MYO18B: variants seen among roughly 807,000 people sequenced by gnomAD.
The protein encoded by MYO18B is unconventional myosin-XVIIIb.
MYO18B carries 204 observed loss-of-function variants against 273.0 expected under a neutral mutation model. That is an observed-to-expected ratio of 0.75 (90% CI 0.67 to 0.84). The LOEUF (loss-of-function observed/expected upper bound fraction) is 0.84, where lower values mean the gene tolerates loss of function less well. Among genes scored for constraint, MYO18B ranks in the 40% least tolerant of loss-of-function variants. The probability of loss-of-function intolerance (pLI) is 0.00; values close to 1 mark genes in which losing one functional copy is unlikely to be tolerated. For synonymous variants in MYO18B, 1,330 were observed against 1,305.7 expected, an observed-to-expected ratio of 1.02 and a Z score of -0.40; for missense variants, 3,212 against 3,287.6, an observed-to-expected ratio of 0.98 and a Z score of 0.56.
At position 26,004,812 on chromosome 22, in the gene MYO18B, C is replaced by T; in HGVS notation, c.6427C>T (p.Pro2143Ser). The T allele has an allele frequency of 1.2e-6, 2 of 1,613,892 alleles. No individual in the cohort carries two copies. Among genetic ancestry groups the T allele is most frequent in the Non-Finnish European group, 1.7e-6 (2 of 1,179,810 alleles). ...LSLATDTMRT[P>S]SRQSATSSRI... ...CCTGGCCACAGATACTATGAGGACT[C>T]CTTCTCGACAGTCAGCCACCAGCAG... is the stretch of plus-strand genomic sequence containing the variant. The change falls in exon 42 of 44, where the codon CCT (proline) becomes TCT (serine). Residue 2143 changes from proline to serine, a missense_variant. Physicochemically the swap from Pro to Ser is moderately conservative, Grantham distance 74 (BLOSUM62 -1). Transcript: ENST00000335473.
intron 25 of MYO18B, among the ~76,000 whole-genome samples, chr22:25,885,882 C>T (rs2091483915): frequency 6.6e-6 from 1 of 152,202 alleles, no homozygotes; most frequent in Admixed American, 6.5e-5. Context: ...CTATGCCCAG[C>T]TCAGAGGCAT....
intron 18 of MYO18B, among the ~76,000 whole-genome samples, chr22:25,844,162 T>G (rs1380105610): frequency 6.6e-6 from 1 of 152,250 alleles, no homozygotes; most frequent in African/African-American, 2.4e-5. Flanking sequence ...TTTGGCACTT[T>G]GCCTTTCATT....
Position 25,946,132 on chromosome 22 carries a change from T to A in MYO18B, c.5518-5T>A. 1 of 1,514,532 alleles carries A rather than the reference T, an allele frequency of 6.6e-7. No homozygotes were observed. Among genetic ancestry groups the A allele is most frequent in the Non-Finnish European group, 8.8e-7 (1 of 1,132,606 alleles). The allele number at this position is 1,514,532 out of a possible 1,614,324, so 93.8% of individuals were successfully genotyped here. Reference sequence around the variant, plus strand: ...CTTCTCTTCTCCACCTCTTGCCTGGTCCAGCTGGAGCAGAGTGAAGCCAAG... The same window carrying A: ...CTTCTCTTCTCCACCTCTTGCCTGGACCAGCTGGAGCAGAGTGAAGCCAAG... On this transcript the variant is annotated splice_polypyrimidine_tract_variant and splice_region_variant and intron_variant, in intron 34 of 43. Coordinates refer to ENST00000335473, the MANE Select transcript of MYO18B (RefSeq NM_032608.7).
intron 40 of MYO18B, among the ~76,000 whole-genome samples, chr22:25,992,733 G>A (rs929272028): frequency 1.3e-5 from 2 of 152,224 alleles, no homozygotes; most frequent in Non-Finnish European, 2.9e-5. Context: ...GTGAGGCAAT[G>A]TGACTGGAAC....
intron 37 of MYO18B, 99 bp from the exon 38 acceptor site, chr22:25,952,187 T>C: frequency 1.5e-6 from 2 of 1,331,356 alleles, no homozygotes; most frequent in Non-Finnish European, 2.1e-6. Context: ...GGAGGTGGTG[T>C]GAATAGCTCC....
intron 17 of MYO18B, among the ~76,000 whole-genome samples, chr22:25,841,997 C>G (rs1357548166): frequency 6.6e-6 from 1 of 152,214 alleles, no homozygotes; most frequent in African/African-American, 2.4e-5. Flanking sequence ...CGTCACAGGA[C>G]ACTCTTGAAA....
chr22:25,743,411 A>G (rs5761163), intron 1 of MYO18B, among the ~76,000 whole-genome samples: 30,356 of 152,082 alleles, frequency 0.2, 3,719 homozygotes, highest in East Asian at 0.38. Context: ...AGAGGGGTCT[A>G]TATACTCTTA....
intron 15 of MYO18B, among the ~76,000 whole-genome samples, chr22:25,832,010 C>T (rs1467884050): frequency 6.6e-6 from 1 of 152,070 alleles, no homozygotes; most frequent in Non-Finnish European, 1.5e-5. Context: ...AGAAGCTCAC[C>T]ATCACAAATC....
chr22:25,903,493 G>C, intron 30 of MYO18B, 138 bp from the exon 31 acceptor site: 1 of 836,336 alleles, frequency 1.2e-6, no homozygotes. Context: ...GTGAGGGACG[G>C]TGGGGTCCAG....
At position 26,004,647 on chromosome 22, in the gene MYO18B, G is replaced by T. The variant is rs186449983; in HGVS notation, c.6333-71G>T. The stretch of plus-strand genomic sequence containing the variant: ...TAGCACAATGCCTGGCTTATGCTAT[G>T]GGTGAATATCTAATTATTGCTGTTA... On this transcript the variant is annotated intron_variant, in intron 41 of 43. Coordinates refer to ENST00000335473, the MANE Select transcript of MYO18B (RefSeq NM_032608.7). 8.3e-6 allele frequency: 13 copies of T among 1,568,014 alleles called. No individual in the cohort carries two copies. In the East Asian group the frequency reaches 2.7e-4, roughly 33 times the overall value.
intron 34 of MYO18B, among the ~76,000 whole-genome samples, chr22:25,944,127 C>T (rs1488216070): frequency 6.6e-6 from 1 of 152,200 alleles, no homozygotes; most frequent in Non-Finnish European, 1.5e-5. Flanking sequence ...CAGGGCAGCC[C>T]TATCACCCAC....
chr22:25,908,501 A>G, intron 32 of MYO18B, 69 bp downstream of exon 32: 1 of 1,310,566 alleles, frequency 7.6e-7, no homozygotes, highest in Non-Finnish European at 1.1e-6. Context: ...CCTCTTCCTT[A>G]GAGCGAGGAG....
chr22:25,885,435 C>T (rs1431734625), intron 25 of MYO18B, among the ~76,000 whole-genome samples: 1 of 152,104 alleles, frequency 6.6e-6, no homozygotes, highest in Non-Finnish European at 1.5e-5. Context: ...GAAGGATAAG[C>T]AGGAGCTGGC....
chr22:25,827,818 G>A (rs2089550866), intron 14 of MYO18B, among the ~76,000 whole-genome samples: 3 of 152,182 alleles, frequency 2.0e-5, no homozygotes, highest in Admixed American at 1.3e-4. Context: ...CTGCTTCAAG[G>A]TTTGGGTTCT....
intron 39 of MYO18B, among the ~76,000 whole-genome samples, chr22:25,980,110 C>T (rs866527492): frequency 3.9e-5 from 6 of 152,236 alleles, no homozygotes; most frequent in Middle Eastern, 3.4e-3. Context: ...TCTGCCACCC[C>T]GTGACTGAGC....
At chr22:25,786,998 G>C (rs1167212752) in intron 11 of MYO18B, among the ~76,000 whole-genome samples, 3 of 152,168 alleles carry the variant, frequency 2.0e-5, no homozygotes, top group Non-Finnish European at 2.9e-5. Context: ...CAGATCACCT[G>C]AGGTGAGGAG....
intron 25 of MYO18B, chr22:25,884,587 T>A (rs1049677042): frequency 6.6e-6 from 1 of 152,220 alleles, no homozygotes; most frequent in African/African-American, 2.4e-5. Flanking sequence ...AGCTGGTGTA[T>A]TCTTTCTGAC....
At chr22:25,869,719 A>G (rs574520163) in intron 22 of MYO18B, among the ~76,000 whole-genome samples, 12 of 152,198 alleles carry the variant, frequency 7.9e-5, no homozygotes, top group Admixed American at 6.5e-4. Flanking sequence ...CCTCCCTATC[A>G]TATGCATCCG....
chr22:26,042,141 G>A, the MYO18B span, among the ~76,000 whole-genome samples: 23,984 of 152,110 alleles, frequency 0.16, 3,257 homozygotes, highest in African/African-American at 0.36. Context: ...CTGGAACTGC[G>A]CCCTGGGTTC....
Sources: gnomAD v4.1 joint callset for allele counts (sites outside exome capture counted in the v4.1 genomes callset) on GRCh38, gnomAD v4.1.1 for gene constraint, MANE v1.5 for transcripts, NCBI Gene and HGNC (gene_info 2026-07-23, HGNC 2026-07-21) for gene names.